The following SPATA31E1 variants were observed in gnomAD, a reference collection of about 807,000 sequenced individuals.
The protein encoded by SPATA31E1 is spermatogenesis-associated protein 31E1.
In SPATA31E1, 7 loss-of-function variants were observed where a neutral mutation model predicts 12.9. The ratio of observed to expected loss-of-function variants is 0.54; its 90% CI spans 0.31 to 1.02. The LOEUF (loss-of-function observed/expected upper bound fraction) is 1.02, where lower values mean the gene tolerates loss of function less well. Among genes scored for constraint, SPATA31E1 ranks in the 50% least tolerant of loss-of-function variants. The pLI is 0.05. For synonymous variants in SPATA31E1, 771 were observed against 719.0 expected, an observed-to-expected ratio of 1.07 and a Z score of -1.16; for missense variants, 1,961 against 1,799.8, an observed-to-expected ratio of 1.09 and a Z score of -1.62.
At chr9:87,884,818 G>A (rs993696669) in intron 3 of SPATA31E1, 95 bp from the exon 4 acceptor site, 5 of 1,464,024 alleles carry the variant, frequency 3.4e-6, no homozygotes, top group Non-Finnish European at 4.6e-6. Flanking sequence ...AGCAGTTGGG[G>A]AGGTGGAGGA....
In SPATA31E1 at chr9:87,888,623, C is replaced by T. The variant is rs557844478; in HGVS notation, c.4136C>T (p.Pro1379Leu). ...GAGATGAGAGCTCTGGCCTGCAGCC[C>T]TAAAGCCACCCCCAAGGGCCACCAC... ...SREMRALACS[P>L]KATPKGHHCP... is the part of the protein sequence containing the mutation. Residue 1379 changes from proline (P) to leucine (L), a missense_variant, in exon 4 of 4, where the codon CCT (proline) becomes CTT (leucine). Transcript: ENST00000325643. 5 of 1,614,080 alleles carry T rather than the reference C, an allele frequency of 3.1e-6. No individual in the cohort carries two copies. In the South Asian group the frequency reaches 4.4e-5, roughly 14 times the overall value.
At position 87,887,062 on chromosome 9, in the gene SPATA31E1, A is replaced by G. The variant is rs529857127; in HGVS notation, c.2575A>G (p.Asn859Asp). The stretch of plus-strand genomic sequence containing the variant: ...AGACCTCCAGTCCCTGGAGCCCATA[A>G]ATGTCTGGTCAGGTGAGGCTCAGGC... ...GTDLQSLEPI[N>D]VWSGEAQAPP... The change falls in exon 4 of 4, where the codon AAT becomes GAT. Residue 859 changes from asparagine to aspartate, a missense_variant. By Grantham distance (23) the Asn-to-Asp change is conservative (BLOSUM62 1). Coordinates refer to ENST00000325643, the MANE Select transcript of SPATA31E1 (RefSeq NM_178828.5). 1 of 1,614,018 alleles carries G rather than the reference A, an allele frequency of 6.2e-7. No individual in the cohort carries two copies. The highest frequency in any genetic ancestry group is 1.3e-5 in the African/African-American group (1 of 75,026).
At position 87,888,410 on chromosome 9, in the gene SPATA31E1, T is replaced by C. The variant is rs2117897530; in HGVS notation, c.3923T>C (p.Phe1308Ser). 1 of 1,614,020 alleles carries C rather than the reference T, an allele frequency of 6.2e-7. No homozygotes were observed. Among genetic ancestry groups the C allele is most frequent in the South Asian group, 1.1e-5 (1 of 91,074 alleles). ...QSWGSGPPRQ[F>S]MDCMADKAWT... The stretch of plus-strand genomic sequence containing the variant: ...TGGGGGTCTGGCCCACCAAGGCAGT[T>C]TATGGACTGCATGGCTGACAAAGCC... Residue 1308 changes from phenylalanine (F) to serine (S), a missense_variant, in exon 4 of 4, where the codon TTT becomes TCT. Phe to Ser is a radical substitution (Grantham distance 155, BLOSUM62 -2). Coordinates refer to ENST00000325643, the MANE Select transcript of SPATA31E1 (RefSeq NM_178828.5).
At position 87,886,758 on chromosome 9, in the gene SPATA31E1, C is replaced by T. The variant is rs1301650362; in HGVS notation, c.2271C>T (p.Asp757=). The stretch of plus-strand genomic sequence containing the variant: ...TAAGTTCCACACCCAGGGACCCAGA[C>T]AAGGAGCATCTGGAAAACAAGCTGC... The part of the protein sequence containing the change: ...QSVSSTPRDP[D]KEHLENKLQI... The change falls in exon 4 of 4, where the codon GAC becomes GAT. Residue 757 remains aspartate, a synonymous_variant. Transcript: ENST00000325643. The T allele has an allele frequency of 1.2e-6, 2 of 1,614,024 alleles. No homozygotes were observed. The highest frequency in any genetic ancestry group is 1.7e-6 in the Non-Finnish European group (2 of 1,180,030).
rs1828325837 is a variant in SPATA31E1 at position 87,888,311 on chromosome 9, A to G, written c.3824A>G (p.His1275Arg). The change falls in exon 4 of 4, where the codon CAC becomes CGC. Residue 1275 changes from histidine to arginine, a missense_variant. Transcript: ENST00000325643. Reference sequence around the variant, plus strand: ...ATCAGTCACCATCCACAGGGTCTACACCCCAGGAAAGGAGGCACACGGTGG... The same window carrying G: ...ATCAGTCACCATCCACAGGGTCTACGCCCCAGGAAAGGAGGCACACGGTGG... ...RKISHHPQGL[H>R]PRKGGTRWED... 1 of 1,614,010 alleles carries G rather than the reference A, an allele frequency of 6.2e-7. No homozygotes were observed. Among genetic ancestry groups the G allele is most frequent in the South Asian group, 1.1e-5 (1 of 91,084 alleles).
At position 87,885,644 on chromosome 9, in the gene SPATA31E1, C is replaced by T; in HGVS notation, c.1157C>T (p.Ala386Val). 4 of 1,613,796 alleles carry T rather than the reference C, an allele frequency of 2.5e-6. No homozygotes were observed. Among genetic ancestry groups the T allele is most frequent in the South Asian group, 2.2e-5 (2 of 91,074 alleles). ...KMWQEKERKRADHPHMTSLGK... is the reference protein window; with the variant it reads ...KMWQEKERKRVDHPHMTSLGK... ...TGGCAGGAGAAAGAAAGAAAACGGGCCGACCACCCGCACATGACATCACTG... is the reference window on the plus strand; with the variant it reads ...TGGCAGGAGAAAGAAAGAAAACGGGTCGACCACCCGCACATGACATCACTG... The change falls in exon 4 of 4, where the codon GCC (alanine) becomes GTC (valine). Residue 386 changes from alanine (A) to valine (V), a missense_variant. Coordinates refer to ENST00000325643, the MANE Select transcript of SPATA31E1 (RefSeq NM_178828.5).
At position 87,888,355 on chromosome 9, in the gene SPATA31E1, G is replaced by A. The variant is rs756365087; in HGVS notation, c.3868G>A (p.Gly1290Ser). The change falls in exon 4 of 4, where the codon GGC becomes AGC. Residue 1290 changes from glycine to serine, a missense_variant. Coordinates refer to ENST00000325643, the MANE Select transcript of SPATA31E1 (RefSeq NM_178828.5). ...ACGGTGGGAAGATGTCCTGCAGAAA[G>A]GCAAGCCTGGGGCAGATGCTTTCCA... ...GTRWEDVLQK[G>S]KPGADAFQSW... 7 of 1,614,196 alleles carry A rather than the reference G, an allele frequency of 4.3e-6. No individual in the cohort carries two copies. The South Asian group carries it at 6.6e-5, about 15-fold the overall frequency.
At position 87,887,908 on chromosome 9, in the gene SPATA31E1, G is replaced by A. The variant is rs749871729; in HGVS notation, c.3421G>A (p.Ala1141Thr). The A allele has an allele frequency of 3.1e-6, 5 of 1,613,880 alleles. No individual in the cohort carries two copies. Among genetic ancestry groups the A allele is most frequent in the South Asian group, 1.1e-5 (1 of 91,088 alleles). ...PGRHMDMLTA[A>T]DRLPTQAPLS... ...CCGCCACATGGACATGCTCACTGCC[G>A]CAGACAGGCTGCCCACTCAAGCCCC... Residue 1141 changes from alanine (A) to threonine (T), a missense_variant, in exon 4 of 4, where the codon GCA (alanine) becomes ACA (threonine). Ala to Thr is a moderately conservative substitution (Grantham distance 58, BLOSUM62 0). Coordinates refer to ENST00000325643, the MANE Select transcript of SPATA31E1 (RefSeq NM_178828.5).
In SPATA31E1 at chr9:87,884,809, G is replaced by A; in HGVS notation, c.426-104G>A. Reference sequence around the variant, plus strand: ...GCTTAGGCAGAGCTTTATGAAGTCAGCAGTTGGGGAGGTGGAGGAACCGGG... The same window carrying A: ...GCTTAGGCAGAGCTTTATGAAGTCAACAGTTGGGGAGGTGGAGGAACCGGG... On this transcript the variant is annotated intron_variant, in intron 3 of 3. Coordinates refer to ENST00000325643, the MANE Select transcript of SPATA31E1 (RefSeq NM_178828.5). 3 of 1,459,366 alleles carry A rather than the reference G, an allele frequency of 2.1e-6. No homozygotes were observed. The South Asian group carries it at 3.8e-5, about 18-fold the overall frequency. 90.4% of individuals were successfully genotyped at this position (1,459,366 alleles called of 1,614,324 possible).
Position 87,887,416 on chromosome 9 carries a change from C to T in SPATA31E1, c.2929C>T (p.Leu977=). 2 of 1,613,822 alleles carry T rather than the reference C, an allele frequency of 1.2e-6. No individual in the cohort carries two copies. The highest frequency in any genetic ancestry group is 1.7e-6 in the Non-Finnish European group (2 of 1,180,028). ...CAGAACCTGGCAGAGCAGGACTGTC[C>T]TGGAATCCGGGAAACCCAAACCCAG... is the stretch of plus-strand genomic sequence containing the variant. ...VGRTWQSRTV[L]ESGKPKPRLE... The change falls in exon 4 of 4, where the codon CTG becomes TTG. Residue 977 remains leucine (L), a synonymous_variant. Transcript: ENST00000325643.
rs746272616 is a variant in SPATA31E1, at chr9:87,885,001, A to G, written c.514A>G (p.Lys172Glu). 3 of 1,613,962 alleles carry G rather than the reference A, an allele frequency of 1.9e-6. No individual in the cohort carries two copies. The highest frequency in any genetic ancestry group is 2.5e-6 in the Non-Finnish European group (3 of 1,179,982). ...GGACGTGTGTAAACCAGTGCCTGCT[A>G]AGGCCCACCAGCCGCATGGGAAATG... ...LGDVCKPVPA[K>E]AHQPHGKCMQ... is the part of the protein sequence containing the mutation. Residue 172 changes from lysine to glutamate, a missense_variant, in exon 4 of 4, where the codon AAG (lysine) becomes GAG (glutamate). Coordinates refer to ENST00000325643, the MANE Select transcript of SPATA31E1 (RefSeq NM_178828.5).
Position 87,883,109 on chromosome 9 carries a change from T to A in SPATA31E1, c.218T>A (p.Val73Glu). 1 of 1,607,706 alleles carries A rather than the reference T, an allele frequency of 6.2e-7. No homozygotes were observed. The highest frequency in any genetic ancestry group is 1.1e-5 in the South Asian group (1 of 89,490). The change falls in exon 1 of 4, where the codon GTG (valine) becomes GAG (glutamate). Residue 73 changes from valine to glutamate, a missense_variant. Transcript: ENST00000325643. ...ATGATGGATTTCATCCTCACCAGTGTGTGTGGCCTAGTGCTCCTCTTCCTA... is the reference window on the plus strand; with the variant it reads ...ATGATGGATTTCATCCTCACCAGTGAGTGTGGCCTAGTGCTCCTCTTCCTA... ...PWMMDFILTS[V>E]CGLVLLFLLL...
Position 87,887,785 on chromosome 9 carries a change from A to G in SPATA31E1, c.3298A>G (p.Ile1100Val), listed in dbSNP as rs778627180. The change falls in exon 4 of 4, where the codon ATT (isoleucine) becomes GTT (valine). Residue 1100 changes from isoleucine (I) to valine (V), a missense_variant. By Grantham distance (29) the Ile-to-Val change is conservative (BLOSUM62 3). Transcript: ENST00000325643. Reference sequence around the variant, plus strand: ...CCTGAAAGCGCAGGTGGTCAGTGAGATTGCGCTCATAGTGCAGGTGGACTC... The same window carrying G: ...CCTGAAAGCGCAGGTGGTCAGTGAGGTTGCGCTCATAGTGCAGGTGGACTC... The part of the protein sequence containing the change: ...LHLKAQVVSE[I>V]ALIVQVDSEE... 6.2e-7 allele frequency: 1 copy of G among 1,613,932 alleles called. No individual in the cohort carries two copies. Among genetic ancestry groups the G allele is most frequent in the Non-Finnish European group, 8.5e-7 (1 of 1,179,992 alleles).
Position 87,887,775 on chromosome 9 carries a change from G to A in SPATA31E1, c.3288G>A (p.Val1096=). The change falls in exon 4 of 4, where the codon GTG becomes GTA. Residue 1096 remains valine (V), a synonymous_variant. Transcript: ENST00000325643. ...DPEQLHLKAQ[V]VSEIALIVQV... ...AGCAGCTGCACCTGAAAGCGCAGGTGGTCAGTGAGATTGCGCTCATAGTGC... is the reference window on the plus strand; with the variant it reads ...AGCAGCTGCACCTGAAAGCGCAGGTAGTCAGTGAGATTGCGCTCATAGTGC... The A allele has an allele frequency of 1.2e-6, 2 of 1,613,980 alleles. No homozygotes were observed. The highest frequency in any genetic ancestry group is 2.2e-5 in the South Asian group (2 of 91,088).
rs142555285 is a variant in SPATA31E1, at chr9:87,886,840, G to C, written c.2353G>C (p.Val785Leu). The change falls in exon 4 of 4, where the codon GTG becomes CTG. Residue 785 changes from valine to leucine, a missense_variant. Physicochemically the swap from Val to Leu is conservative, Grantham distance 32 (BLOSUM62 1). Transcript: ENST00000325643. ...CAAAGAGGGCTGGATCCCCATGCCT[G>C]TGCGTCGCTCCTGGCTCATGGCCAA... ...EIKEGWIPMP[V>L]RRSWLMAKCA... 1.9e-6 allele frequency: 3 copies of C among 1,614,168 alleles called. No homozygotes were observed. The highest frequency in any genetic ancestry group is 2.5e-6 in the Non-Finnish European group (3 of 1,180,040).
rs567057819 is a variant in SPATA31E1 at position 87,886,380 on chromosome 9, A to G, written c.1893A>G (p.Gly631=). Residue 631 remains glycine, a synonymous_variant, in exon 4 of 4, where the codon GGA becomes GGG. Coordinates refer to ENST00000325643, the MANE Select transcript of SPATA31E1 (RefSeq NM_178828.5). ...AGCTCCCAGAGCACTGGTGGCAAGG[A>G]AGGAATGCCATCCACCAGGAGCAGT... ...SPELPEHWWQ[G]RNAIHQEQSC... 1 of 1,613,486 alleles carries G rather than the reference A, an allele frequency of 6.2e-7. No homozygotes were observed. The highest frequency in any genetic ancestry group is 2.2e-5 in the East Asian group (1 of 44,834).
intron 3 of SPATA31E1, 60 bp from the exon 4 acceptor site, chr9:87,884,853 G>A (rs58272838): frequency 1.2e-5 from 19 of 1,541,610 alleles, no homozygotes; most frequent in Middle Eastern, 2.2e-4. Flanking sequence ...GTGCCCACCC[G>A]TCCCAGCTTC....
At chr9:87,883,657 T>A (rs1406626522) in intron 1 of SPATA31E1, among the ~76,000 whole-genome samples, 1 of 152,104 alleles carries the variant, frequency 6.6e-6, no homozygotes, top group Non-Finnish European at 1.5e-5. Context: ...CACAGCCCCA[T>A]GGTACCCTGG....
chr9:87,887,660 G>T lies in SPATA31E1; in HGVS notation c.3173G>T (p.Gly1058Val), dbSNP rs1828307551. ...TLGASVRASS[G>V]SVQEDLRSTG... ...GGAGCCAGTGTGAGGGCAAGTTCGG[G>T]AAGTGTTCAGGAGGATCTGAGGAGC... Residue 1058 changes from glycine (G) to valine (V), a missense_variant, in exon 4 of 4, where the codon GGA (glycine) becomes GTA (valine). Coordinates refer to ENST00000325643, the MANE Select transcript of SPATA31E1 (RefSeq NM_178828.5). 6.2e-7 allele frequency: 1 copy of T among 1,614,044 alleles called. No individual in the cohort carries two copies. Among genetic ancestry groups the T allele is most frequent in the African/African-American group, 1.3e-5 (1 of 74,944 alleles).
Sources: allele counts gnomAD v4.1 joint callset (sites outside exome capture counted in the v4.1 genomes callset), GRCh38; gene constraint gnomAD v4.1.1; transcripts MANE v1.5; gene names NCBI Gene and HGNC (gene_info 2026-07-23, HGNC 2026-07-21).